The following GRXCR1 variants were observed in gnomAD, a reference collection of about 807,000 sequenced individuals.
GRXCR1 encodes glutaredoxin and cysteine rich domain containing 1, also known as glutaredoxin domain-containing cysteine-rich protein 1.
A neutral mutation model predicts 27.3 loss-of-function variants in GRXCR1; 27 were observed. The observed-to-expected ratio is 0.99, with a 90% confidence interval of 0.73 to 1.37. The LOEUF is 1.37. Ranked by LOEUF, GRXCR1 falls within the 40% of genes most tolerant of loss-of-function variation. The pLI is 0.00. For missense variants in GRXCR1, 379 were observed against 354.4 expected (o/e 1.07, Z -0.56); for synonymous variants, 122 against 131.1 (o/e 0.93, Z 0.47).
chr4:42,971,731 T>C (rs1480383646), intron 2 of GRXCR1, among the ~76,000 whole-genome samples: 1 of 152,064 alleles, frequency 6.6e-6, no homozygotes, highest in Non-Finnish European at 1.5e-5. Context: ...GAGACAAATA[T>C]GGTTGGACAC....
chr4:42,991,586 C>G (rs1434060037), intron 2 of GRXCR1, among the ~76,000 whole-genome samples: 1 of 152,036 alleles, frequency 6.6e-6, no homozygotes, highest in Non-Finnish European at 1.5e-5. Context: ...TAAACTGCCT[C>G]TTTCAGTGAA....
intron 3 of GRXCR1, among the ~76,000 whole-genome samples, chr4:43,024,248 C>T (rs1404046688): frequency 3.5e-5 from 4 of 113,458 alleles, no homozygotes; most frequent in African/African-American, 1.4e-4. Flanking sequence ...ATCTGATTCT[C>T]CCCTGAGGGC....
intron 1 of GRXCR1, among the ~76,000 whole-genome samples, chr4:42,909,845 T>C: frequency 6.6e-6 from 1 of 152,066 alleles, no homozygotes; most frequent in East Asian, 1.9e-4. Flanking sequence ...TGAGTCCCTC[T>C]CAAAAGCCAA....
chr4:42,920,215 G>A (rs961940803), intron 1 of GRXCR1, among the ~76,000 whole-genome samples: 1 of 152,134 alleles, frequency 6.6e-6, no homozygotes, highest in Non-Finnish European at 1.5e-5. Context: ...GCAAGGTGAA[G>A]GATGAAGGAA....
intron 1 of GRXCR1, among the ~76,000 whole-genome samples, chr4:42,928,037 A>G (rs1473205746): frequency 4.6e-5 from 7 of 151,994 alleles, no homozygotes; most frequent in Non-Finnish European, 1.0e-4. Context: ...GGAATCTGGC[A>G]TATTTATCCT....
At chr4:43,025,434 A>T (rs866875339) in intron 3 of GRXCR1, among the ~76,000 whole-genome samples, 1 of 152,300 alleles carries the variant, frequency 6.6e-6, no homozygotes. Flanking sequence ...TCACTCACTG[A>T]GTATCTATCT....
chr4:42,970,459 A>T (rs780531241), intron 2 of GRXCR1, among the ~76,000 whole-genome samples: 1 of 152,144 alleles, frequency 6.6e-6, no homozygotes, highest in Non-Finnish European at 1.5e-5. Flanking sequence ...ATCTAAGAGG[A>T]GGTTCCCAAA....
At chr4:42,899,365 T>C (rs932699755) in intron 1 of GRXCR1, among the ~76,000 whole-genome samples, 14 of 152,152 alleles carry the variant, frequency 9.2e-5, no homozygotes, top group Non-Finnish European at 1.5e-5. Flanking sequence ...CCTGCCTTCA[T>C]GGACTATCCA....
At position 42,912,418 on chromosome 4, in the gene GRXCR1, A is replaced by T. The variant is rs535443881; in HGVS notation, c.384+18768A>T. On this transcript the variant is annotated intron_variant, in intron 1 of 3. Coordinates refer to ENST00000399770, the MANE Select transcript of GRXCR1 (RefSeq NM_001080476.3). ...GCTTTCAATACATTTGGAAATGTTC[A>T]AAGAAGTATGTGAACTTGAACCCTT... is the stretch of plus-strand genomic sequence containing the variant. 7.9e-5 allele frequency among the ~76,000 whole-genome samples: 12 copies of T among 152,334 alleles called. No homozygotes were observed. In the South Asian group the frequency reaches 2.5e-3, roughly 32 times the overall value.
At chr4:42,893,778 A>C in intron 1 of GRXCR1, 128 bp downstream of exon 1, 1 of 883,614 alleles carries the variant, frequency 1.1e-6, no homozygotes, top group Non-Finnish European at 1.9e-6. Context: ...ACGCTCCTCC[A>C]CCTAAGATAC....
chr4:42,956,215 G>GA (rs1553941510), intron 1 of GRXCR1, among the ~76,000 whole-genome samples: 1 of 151,808 alleles, frequency 6.6e-6, no homozygotes, highest in Non-Finnish European at 1.5e-5. Context: ...AAACAGAAAG[G>GA]AAAAAATGGC....
intron 1 of GRXCR1, among the ~76,000 whole-genome samples, chr4:42,939,690 T>C (rs1171306648): frequency 6.6e-6 from 1 of 152,080 alleles, no homozygotes; most frequent in Non-Finnish European, 1.5e-5. Context: ...TGTATTTCCT[T>C]CAGTTACAAT....
intron 2 of GRXCR1, among the ~76,000 whole-genome samples, chr4:42,985,508 G>T (rs1711685832): frequency 6.6e-6 from 1 of 152,084 alleles, no homozygotes; most frequent in Non-Finnish European, 1.5e-5. Context: ...AATGGAACTT[G>T]CAGTCAGTAT....
intron 2 of GRXCR1, among the ~76,000 whole-genome samples, chr4:42,979,801 C>T (rs1012846705): frequency 6.6e-6 from 1 of 151,778 alleles, no homozygotes; most frequent in Non-Finnish European, 1.5e-5. Context: ...AGGTCTTGGG[C>T]TTTTGTATGA....
At chr4:43,005,075 A>G (rs1380813635) in intron 2 of GRXCR1, among the ~76,000 whole-genome samples, 1 of 152,154 alleles carries the variant, frequency 6.6e-6, no homozygotes, top group Non-Finnish European at 1.5e-5. Flanking sequence ...AGTTTGCCTC[A>G]TGCTGTTCTC....
intron 1 of GRXCR1, among the ~76,000 whole-genome samples, chr4:42,959,805 C>A (rs935430608): frequency 6.6e-6 from 1 of 151,812 alleles, no homozygotes; most frequent in African/African-American, 2.4e-5. Context: ...ACATTAGAAT[C>A]ACATTAGAAC....
chr4:42,988,366 T>TA (rs1355574071), intron 2 of GRXCR1, among the ~76,000 whole-genome samples: 1 of 152,158 alleles, frequency 6.6e-6, no homozygotes, highest in East Asian at 1.9e-4. Context: ...ATAATAAAAA[T>TA]AAAAATATCA....
At chr4:42,975,501 A>G (rs962311192) in intron 2 of GRXCR1, among the ~76,000 whole-genome samples, 5 of 152,126 alleles carry the variant, frequency 3.3e-5, no homozygotes, top group Non-Finnish European at 7.4e-5. Flanking sequence ...ATTTAATAAC[A>G]CCTAATAAAG....
At chr4:43,014,635 C>A (rs1712873781) in intron 2 of GRXCR1, among the ~76,000 whole-genome samples, 1 of 152,164 alleles carries the variant, frequency 6.6e-6, no homozygotes. Flanking sequence ...ATATAGTATT[C>A]ATCCTTCTCA....
Sources: allele counts gnomAD v4.1 joint callset (sites outside exome capture counted in the v4.1 genomes callset), GRCh38; gene constraint gnomAD v4.1.1; transcripts MANE v1.5; gene names NCBI Gene and HGNC (gene_info 2026-07-23, HGNC 2026-07-21).